The following SLC12A7 variants were observed in gnomAD, a reference collection of about 807,000 sequenced individuals.
The protein encoded by SLC12A7 is solute carrier family 12 member 7, also known as K-Cl cotransporter 4.
In SLC12A7, 100 loss-of-function variants were observed where a neutral mutation model predicts 120.6. The observed-to-expected ratio is 0.83, with a 90% CI of 0.71 to 0.98. The LOEUF (loss-of-function observed/expected upper bound fraction) is 0.98, where lower values mean the gene tolerates loss of function less well. Ranked by LOEUF, SLC12A7 falls within the 50% of genes least tolerant of loss-of-function variation. The pLI is 0.00. For synonymous variants in SLC12A7, 760 were observed against 678.0 expected (o/e 1.12, Z -1.88); for missense variants, 1,373 against 1,548.1 (o/e 0.89, Z 1.90).
intron 1 of SLC12A7, among the ~76,000 whole-genome samples, chr5:1,097,252 G>C (rs79184101): frequency 7.9e-5 from 12 of 152,264 alleles, no homozygotes; most frequent in African/African-American, 2.2e-4. Flanking sequence ...TACACAGCAA[G>C]CACATTCGCT....
At chr5:1,088,604 A>C (rs185641601) in intron 4 of SLC12A7, among the ~76,000 whole-genome samples, 265 of 152,242 alleles carry the variant, frequency 1.7e-3, no homozygotes, top group African/African-American at 5.7e-3. Flanking sequence ...AGGTCCTTCC[A>C]AACTGGAGGT....
chr5:1,137,109 T>TGCACAGAGCC, the SLC12A7 span, among the ~76,000 whole-genome samples: 1 of 152,184 alleles, frequency 6.6e-6, no homozygotes, highest in Non-Finnish European at 1.5e-5. Flanking sequence ...CAGAGCTGGC[T>TGCACAGAGCC]GCACAGAGCC....
rs1367669493 is a variant in SLC12A7, at chr5:1,052,302, CCAGGCT to C, written c.*52_*57del. 4.2e-6 allele frequency: 6 copies of C among 1,441,628 alleles called. No individual in the cohort carries two copies. Among genetic ancestry groups the C allele is most frequent in the Non-Finnish European group, 5.9e-6 (6 of 1,024,922 alleles). The allele number at this position is 1,441,628 out of a possible 1,614,324, so 89.3% of individuals were successfully genotyped here. On this transcript the variant is annotated 3_prime_UTR_variant, in exon 24 of 24. Transcript: ENST00000264930. ...CTGTTTCCCTGGGCCAAGCCCAGGCCCAGGCTGCCCACGCCGTCCTCCGTGCCTGTC... is the reference window on the plus strand; with the variant it reads ...CTGTTTCCCTGGGCCAAGCCCAGGCCGCCCACGCCGTCCTCCGTGCCTGTC...
upstream of SLC12A7, among the ~76,000 whole-genome samples, chr5:1,116,870 C>A (rs573448333): frequency 5.3e-5 from 8 of 152,110 alleles, no homozygotes; most frequent in Non-Finnish European, 1.2e-4. Context: ...GCTGTCGGCT[C>A]AGGGGGAAAG....
Position 1,076,390 on chromosome 5 carries a change from C to T in SLC12A7, c.1749-154G>A, listed in dbSNP as rs371202544. 1.6e-4 allele frequency among the ~76,000 whole-genome samples: 25 copies of T among 152,350 alleles called. No individual in the cohort carries two copies. In the South Asian group the frequency reaches 3.9e-3, roughly 24 times the overall value. ...CACGTGAGCTGACTCAGACTGATTC[C>T]GAATCAGGCCCCCTCAGGTTCCAGC... On this transcript the variant is annotated intron_variant, in intron 13 of 23. Coordinates refer to ENST00000264930, the MANE Select transcript of SLC12A7 (RefSeq NM_006598.3).
At chr5:1,091,346 C>T (rs1740474494) in intron 3 of SLC12A7, among the ~76,000 whole-genome samples, 1 of 152,224 alleles carries the variant, frequency 6.6e-6, no homozygotes, top group Admixed American at 6.5e-5. Context: ...TCATGGCAGG[C>T]TGGGCTCCAT....
chr5:1,140,798 T>G, the SLC12A7 span, among the ~76,000 whole-genome samples: 1 of 152,198 alleles, frequency 6.6e-6, no homozygotes, highest in South Asian at 2.1e-4. Flanking sequence ...TGACAAGCAC[T>G]GGCTGGGGAG....
At chr5:1,128,210 G>C in the SLC12A7 span, among the ~76,000 whole-genome samples, 1 of 152,214 alleles carries the variant, frequency 6.6e-6, no homozygotes, top group East Asian at 1.9e-4. Flanking sequence ...GTCTCAACCT[G>C]GCGGGAAGTC....
At chr5:1,116,930 G>A (rs11746711), upstream of SLC12A7, among the ~76,000 whole-genome samples, 48,803 of 152,040 alleles carry the variant, frequency 0.32, 9,708 homozygotes, top group Non-Finnish European at 0.45. Context: ...TGGCAGACAC[G>A]CAGCCCTTCA....
intron 21 of SLC12A7, among the ~76,000 whole-genome samples, chr5:1,058,124 C>T (rs917042169): frequency 4.6e-5 from 7 of 152,354 alleles, no homozygotes; most frequent in Non-Finnish European, 7.4e-5. Flanking sequence ...GTTTGGGGGC[C>T]GGCCAGGCTG....
chr5:1,094,083 C>G, intron 2 of SLC12A7, 71 bp downstream of exon 2: 1 of 1,331,390 alleles, frequency 7.5e-7, no homozygotes. Flanking sequence ...TGGGGGCCCC[C>G]AGGGGCTCCT....
intron 1 of SLC12A7, among the ~76,000 whole-genome samples, chr5:1,108,349 T>A (rs887700231): frequency 7.2e-5 from 11 of 152,246 alleles, no homozygotes; most frequent in African/African-American, 2.7e-4. Flanking sequence ...GTGTATCTTG[T>A]TTCCTTTGGT....
chr5:1,051,964 C>T lies in SLC12A7; in HGVS notation c.*396G>A. Reference sequence around the variant, plus strand: ...AGGGACAGCTTCAGCTCCGGGTGCTCTTCCAAGAATGTTCTGGATGGGGTA... The same window carrying T: ...AGGGACAGCTTCAGCTCCGGGTGCTTTTCCAAGAATGTTCTGGATGGGGTA... On this transcript the variant is annotated 3_prime_UTR_variant, in exon 24 of 24. Transcript: ENST00000264930. 4.7e-6 allele frequency: 1 copy of T among 211,566 alleles called. No individual in the cohort carries two copies. The highest frequency in any genetic ancestry group is 9.4e-6 in the Non-Finnish European group (1 of 106,494). 13.1% of individuals were successfully genotyped at this position (211,566 alleles called of 1,614,324 possible).
At chr5:1,127,658 C>T in the SLC12A7 span, among the ~76,000 whole-genome samples, 1 of 152,304 alleles carries the variant, frequency 6.6e-6, no homozygotes, top group East Asian at 1.9e-4. Flanking sequence ...TAGACACATT[C>T]TCCAAAATCC....
rs1267369330 is a variant in SLC12A7 at position 1,083,900 on chromosome 5, T to C, written c.974A>G (p.Lys325Arg). The C allele has an allele frequency of 1.9e-6, 3 of 1,608,206 alleles. No individual in the cohort carries two copies. Among genetic ancestry groups the C allele is most frequent in the African/African-American group, 1.3e-5 (1 of 74,912 alleles). ...TGAGTTGTTGTGGATGCCGTAGGCC[T>C]TGACGCAGGCATCGAAGCTGCGCCG... The part of the protein sequence containing the change: ...LSRRSFDACV[K>R]AYGIHNNSAT... The change falls in exon 8 of 24, where the codon AAG becomes AGG. Residue 325 changes from lysine (K) to arginine (R), a missense_variant. By Grantham distance (26) the Lys-to-Arg change is conservative (BLOSUM62 2). Coordinates refer to ENST00000264930, the MANE Select transcript of SLC12A7 (RefSeq NM_006598.3).
chr5:1,109,055 G>T (rs542655672), intron 1 of SLC12A7, among the ~76,000 whole-genome samples: 2 of 152,344 alleles, frequency 1.3e-5, no homozygotes, highest in Admixed American at 1.3e-4. Context: ...AGACCTGGGG[G>T]TACAAGGCAG....
Position 1,078,023 on chromosome 5 carries a change from C to A in SLC12A7, c.1455-16G>T, listed in dbSNP as rs761113703. The A allele has an allele frequency of 6.5e-7, 1 of 1,545,162 alleles. No individual in the cohort carries two copies. Among genetic ancestry groups the A allele is most frequent in the Non-Finnish European group, 8.7e-7 (1 of 1,146,192 alleles). On this transcript the variant is annotated splice_polypyrimidine_tract_variant and intron_variant, in intron 11 of 23. Coordinates refer to ENST00000264930, the MANE Select transcript of SLC12A7 (RefSeq NM_006598.3). ...CTCCCCGAACCTGCAGGCAGGCGGGCAGGCGGGCGGGCGGCTTTCAGAAGT... is the reference window on the plus strand; with the variant it reads ...CTCCCCGAACCTGCAGGCAGGCGGGAAGGCGGGCGGGCGGCTTTCAGAAGT...
rs372645005 is a variant in SLC12A7 at position 1,089,068 on chromosome 5, C to T, written c.403G>A (p.Val135Ile). The T allele has an allele frequency of 1.2e-5, 20 of 1,613,026 alleles. 1 individual carries two copies. The highest frequency in any genetic ancestry group is 8.0e-5 in the African/African-American group (6 of 75,072). ...YLPCLQNILGVILFLRLTWIV... is the reference protein window; with the variant it reads ...YLPCLQNILGIILFLRLTWIV... ...CACGTCAGGCGCAGGAAGAGGATGA[C>T]GCCCAGGATGTTCTGCAGGCACGGC... The change falls in exon 4 of 24, where the codon GTC becomes ATC. Residue 135 changes from valine to isoleucine, a missense_variant. Transcript: ENST00000264930.
At chr5:1,115,584 C>T (rs987103478), upstream of SLC12A7, among the ~76,000 whole-genome samples, 8 of 152,174 alleles carry the variant, frequency 5.3e-5, no homozygotes, top group South Asian at 1.2e-3. Flanking sequence ...TCAGGCAGGG[C>T]GCACCTCCAG....
Sources: gnomAD v4.1 joint callset for allele counts (sites outside exome capture counted in the v4.1 genomes callset) on GRCh38, gnomAD v4.1.1 for gene constraint, MANE v1.5 for transcripts, NCBI Gene and HGNC (gene_info 2026-07-23, HGNC 2026-07-21) for gene names.